Variants in NLGN1 observed in about 807,000 individuals in gnomAD.
NLGN1 encodes neuroligin-1.
In NLGN1, 12 loss-of-function variants were observed where a neutral mutation model predicts 65.5. The observed-to-expected ratio is 0.18, with a 90% confidence interval of 0.12 to 0.30. The LOEUF (loss-of-function observed/expected upper bound fraction) is 0.30. NLGN1 is among the 10% of genes least tolerant of loss of function. NLGN1 has a pLI of 1.00. For synonymous variants in NLGN1, 350 were observed against 359.5 expected (o/e 0.97, Z 0.30); for missense variants, 750 against 1,007.1 (o/e 0.74, Z 3.46).
At chr3:173,896,443 T>C (rs1736373632) in intron 4 of NLGN1, among the ~76,000 whole-genome samples, 2 of 152,174 alleles carry the variant, frequency 1.3e-5, no homozygotes, top group African/African-American at 4.8e-5. Flanking sequence ...TGTTGTGCAG[T>C]GTCTGTGAAA....
chr3:173,893,731 C>T (rs901727552), intron 4 of NLGN1, among the ~76,000 whole-genome samples: 1 of 152,146 alleles, frequency 6.6e-6, no homozygotes, highest in Non-Finnish European at 1.5e-5. Flanking sequence ...TAACCTCTTA[C>T]TTAACTCACC....
chr3:174,117,838 A>G (rs2152636238), intron 4 of NLGN1, among the ~76,000 whole-genome samples: 1 of 152,326 alleles, frequency 6.6e-6, no homozygotes, highest in East Asian at 1.9e-4. Context: ...TTCATAGAGC[A>G]GGTTTTATTT....
At chr3:174,275,223 CTTGA>C in intron 4 of NLGN1, 88 bp from the exon 5 acceptor site, 1 of 917,134 alleles carries the variant, frequency 1.1e-6, no homozygotes, top group Non-Finnish European at 1.7e-6. Flanking sequence ...CTGTCCCTAC[CTTGA>C]TTAATACAGG....
intron 4 of NLGN1, among the ~76,000 whole-genome samples, chr3:174,164,058 C>G (rs1039267909): frequency 1.4e-4 from 21 of 152,014 alleles, no homozygotes; most frequent in African/African-American, 4.8e-4. Context: ...CAACAGTGTA[C>G]AAGTATTCCC....
intron 3 of NLGN1, among the ~76,000 whole-genome samples, chr3:173,741,070 C>G (rs1007693583): frequency 5.9e-5 from 9 of 152,110 alleles, no homozygotes; most frequent in Non-Finnish European, 1.0e-4. Context: ...TGCCTAAATA[C>G]ATGGAAGTTT....
At chr3:173,506,286 C>G (rs1306410510) in intron 2 of NLGN1, among the ~76,000 whole-genome samples, 1 of 151,892 alleles carries the variant, frequency 6.6e-6, no homozygotes, top group Non-Finnish European at 1.5e-5. Flanking sequence ...CTGTTAGAGT[C>G]TATATATTTC....
chr3:174,099,746 C>T (rs1414274773), intron 4 of NLGN1, among the ~76,000 whole-genome samples: 1 of 151,916 alleles, frequency 6.6e-6, no homozygotes, highest in African/African-American at 2.4e-5. Flanking sequence ...AAAAAAAGTT[C>T]AAAAGAATGC....
intron 4 of NLGN1, among the ~76,000 whole-genome samples, chr3:173,959,303 G>T (rs1712956517): frequency 6.6e-6 from 1 of 152,230 alleles, no homozygotes; most frequent in Non-Finnish European, 1.5e-5. Flanking sequence ...TGCAGTGGCT[G>T]CTCCAGAAGG....
In NLGN1 at chr3:173,579,966, T is replaced by C. The variant is rs181480945; in HGVS notation, c.-320-24313T>C. Among the ~76,000 whole-genome samples the C allele has an allele frequency of 1.3e-4, 20 of 152,264 alleles. No homozygotes were observed. In the East Asian group the frequency reaches 2.5e-3, roughly 19 times the overall value. On this transcript the variant is annotated intron_variant, in intron 2 of 6. Transcript: ENST00000457714. ...TTAAAAAATTGTTGTGGGTATATAG[T>C]AGGTATATATGTTTATGGGGTACAT...
intron 3 of NLGN1, among the ~76,000 whole-genome samples, chr3:173,662,951 G>A (rs1761148485): frequency 6.6e-6 from 1 of 151,976 alleles, no homozygotes. Flanking sequence ...TAGCCTGGGA[G>A]TCTTATTTTT....
chr3:173,445,261 C>T (rs1043462696), intron 2 of NLGN1, among the ~76,000 whole-genome samples: 3 of 103,624 alleles, frequency 2.9e-5, no homozygotes, highest in African/African-American at 1.1e-4. Flanking sequence ...GAGCGAGACT[C>T]CGTCTCAAAA....
intron 4 of NLGN1, among the ~76,000 whole-genome samples, chr3:173,914,509 G>A (rs1309268561): frequency 6.7e-6 from 1 of 149,632 alleles, no homozygotes; most frequent in African/African-American, 2.5e-5. Context: ...ATATGTATGT[G>A]TGTATATATA....
chr3:173,855,032 G>A (rs77337818), intron 4 of NLGN1, among the ~76,000 whole-genome samples: 2,848 of 152,088 alleles, frequency 0.019, 68 homozygotes, highest in Middle Eastern at 0.065. Context: ...AATGTACCAT[G>A]CCACATTTTT....
At chr3:174,231,988 C>G (rs181086681) in intron 4 of NLGN1, among the ~76,000 whole-genome samples, 1 of 152,136 alleles carries the variant, frequency 6.6e-6, no homozygotes, top group African/African-American at 2.4e-5. Context: ...TGCAAAGCAG[C>G]CCCCGGAATA....
At chr3:173,513,635 C>G (rs1307707159) in intron 2 of NLGN1, among the ~76,000 whole-genome samples, 1 of 152,112 alleles carries the variant, frequency 6.6e-6, no homozygotes, top group Non-Finnish European at 1.5e-5. Flanking sequence ...AAGTAGAAAC[C>G]AAAAGTCCTG....
In NLGN1 at chr3:173,498,739, C is replaced by T. The variant is rs372501631; in HGVS notation, c.-321+63661C>T. On this transcript the variant is annotated intron_variant, in intron 2 of 6. Transcript: ENST00000457714. ...TATTGTTTCCTGACTTTTTAATGAT[C>T]GCCATTCTAACTGGTGTGAGATGGT... Among the ~76,000 whole-genome samples the T allele has an allele frequency of 5.0e-3, 752 of 151,866 alleles. 15 individuals are homozygous for T. Among genetic ancestry groups the T allele is most frequent in the Middle Eastern group, 0.024 (7 of 294 alleles).
chr3:173,418,094 TATA>T (rs1325563206), intron 1 of NLGN1, among the ~76,000 whole-genome samples: 14 of 150,990 alleles, frequency 9.3e-5, no homozygotes, highest in East Asian at 1.9e-4. Flanking sequence ...ATAAATAAAA[TATA>T]ATAAGTATAT....
intron 4 of NLGN1, among the ~76,000 whole-genome samples, chr3:174,093,027 TAAC>T (rs1744821287): frequency 2.6e-5 from 4 of 152,184 alleles, no homozygotes; most frequent in Non-Finnish European, 5.9e-5. Context: ...GGGCCATACC[TAAC>T]AACAGTGAAT....
At chr3:173,857,013 C>T (rs1382726643) in intron 4 of NLGN1, among the ~76,000 whole-genome samples, 1 of 97,932 alleles carries the variant, frequency 1.0e-5, no homozygotes, top group African/African-American at 3.3e-5. Flanking sequence ...TTGCAAAAGG[C>T]GTTAGATAAA....
Sources: allele counts gnomAD v4.1 joint callset (sites outside exome capture counted in the v4.1 genomes callset), GRCh38; gene constraint gnomAD v4.1.1; transcripts MANE v1.5; gene names NCBI Gene and HGNC (gene_info 2026-07-23, HGNC 2026-07-21).